PHRF1: variants seen among roughly 807,000 people sequenced by gnomAD.
The protein encoded by PHRF1 is PHD and ring finger domains 1.
A neutral mutation model predicts 128.9 loss-of-function variants in PHRF1; 53 were observed. That is an observed-to-expected ratio of 0.41 (90% CI 0.33 to 0.52). PHRF1 has a LOEUF of 0.52. PHRF1 is among the 20% of genes least tolerant of loss of function. PHRF1 has a pLI of 0.21. For synonymous variants in PHRF1, 1,178 were observed against 980.6 expected, an observed-to-expected ratio of 1.20 and a Z score of -3.76; for missense variants, 2,503 against 2,284.5, an observed-to-expected ratio of 1.10 and a Z score of -1.95.
At chr11:584,358 G>A (rs1854397907) in intron 3 of PHRF1, among the ~76,000 whole-genome samples, 1 of 152,220 alleles carries the variant, frequency 6.6e-6, no homozygotes. Flanking sequence ...GTTGGGGGCT[G>A]GAGTGAAGGT....
intron 4 of PHRF1, among the ~76,000 whole-genome samples, chr11:588,454 A>C (rs961349782): frequency 1.3e-5 from 2 of 151,548 alleles, no homozygotes; most frequent in African/African-American, 4.9e-5. Context: ...ATCTTGGCTC[A>C]CCACAACCTC....
Position 609,080 on chromosome 11 carries a change from G to A in PHRF1, c.3624G>A (p.Gln1208=), listed in dbSNP as rs1856166533. The change falls in exon 14 of 18, where the codon CAG becomes CAA. Residue 1208 remains glutamine, a synonymous_variant. Coordinates refer to ENST00000264555, the MANE Select transcript of PHRF1 (RefSeq NM_001286581.2). Reference sequence around the variant, plus strand: ...AGGCTTCCCCAGCGCCCCTTGCACAGGGGGAGCCAGGGCGGGAAGACCTCC... The same window carrying A: ...AGGCTTCCCCAGCGCCCCTTGCACAAGGGGAGCCAGGGCGGGAAGACCTCC... ...VREASPAPLA[Q]GEPGREDLPT... The A allele has an allele frequency of 6.2e-7, 1 of 1,601,784 alleles. No homozygotes were observed. The highest frequency in any genetic ancestry group is 8.5e-7 in the Non-Finnish European group (1 of 1,174,916).
chr11:592,801 C>G, intron 6 of PHRF1, 127 bp downstream of exon 6: 1 of 1,003,294 alleles, frequency 1.0e-6, no homozygotes, highest in Non-Finnish European at 1.5e-6. Flanking sequence ...GCTCACCACC[C>G]TCAGCAGCGC....
At position 605,190 on chromosome 11, in the gene PHRF1, C is replaced by T; in HGVS notation, c.1224C>T (p.Ile408=). 1 of 1,613,612 alleles carries T rather than the reference C, an allele frequency of 6.2e-7. No individual in the cohort carries two copies. Among genetic ancestry groups the T allele is most frequent in the East Asian group, 2.2e-5 (1 of 44,894 alleles). The change falls in exon 11 of 18, where the codon ATC becomes ATT. Residue 408 remains isoleucine (I), a synonymous_variant. Transcript: ENST00000264555. ...GLRRPVHSSC[I]PSVLKPVEPS... ...GCAGGCCTGTTCACAGCAGCTGCAT[C>T]CCGTCAGTGTTGAAGCCAGTGGAGC...
Position 610,285 on chromosome 11 carries a change from G to A in PHRF1, c.4354G>A (p.Glu1452Lys), listed in dbSNP as rs1856285703. ...CACAGGGGTCAGGCAGGTGTTCTCC[G>A]AGCTGCCCTTTCCCAGTCACGTGCT... ...APTGVRQVFS[E>K]LPFPSHVLPE... Residue 1452 changes from glutamate to lysine, a missense_variant, in exon 15 of 18, where the codon GAG (glutamate) becomes AAG (lysine). Transcript: ENST00000264555. 22 of 1,561,750 alleles carry A rather than the reference G, an allele frequency of 1.4e-5. No homozygotes were observed. The highest frequency in any genetic ancestry group is 5.9e-5 in the South Asian group (5 of 84,846).
Position 581,559 on chromosome 11 carries a change from C to G in PHRF1, c.47C>G (p.Pro16Arg). 1 of 1,613,488 alleles carries G rather than the reference C, an allele frequency of 6.2e-7. No individual in the cohort carries two copies. The highest frequency in any genetic ancestry group is 1.3e-5 in the African/African-American group (1 of 75,048). The change falls in exon 2 of 18, where the codon CCG becomes CGG. Residue 16 changes from proline to arginine, a missense_variant. Pro to Arg is a moderately radical substitution (Grantham distance 103). Transcript: ENST00000264555. ...GAGCTTGTGGCCCGGAGCCCAGGGC[C>G]GGATGGACACCCACAGGTCGGCCCT... ...LDELVARSPG[P>R]DGHPQVGPAD...
intron 1 of PHRF1, among the ~76,000 whole-genome samples, chr11:578,553 G>C (rs1392693397): frequency 6.6e-6 from 1 of 152,204 alleles, no homozygotes; most frequent in Admixed American, 6.5e-5. Context: ...GCCATTGCCT[G>C]TCGCCCCACC....
chr11:585,618 T>C (rs1854494328), intron 3 of PHRF1, among the ~76,000 whole-genome samples: 1 of 108,508 alleles, frequency 9.2e-6, no homozygotes, highest in Non-Finnish European at 2.0e-5. Context: ...CAGCTTGAGG[T>C]AGTAGCCCTT....
At position 607,170 on chromosome 11, in the gene PHRF1, G is replaced by A; in HGVS notation, c.1714G>A (p.Gly572Ser). 1.2e-6 allele frequency: 2 copies of A among 1,612,772 alleles called. No homozygotes were observed. Among genetic ancestry groups the A allele is most frequent in the Non-Finnish European group, 1.7e-6 (2 of 1,179,774 alleles). Residue 572 changes from glycine to serine, a missense_variant, in exon 14 of 18, where the codon GGC becomes AGC. Coordinates refer to ENST00000264555, the MANE Select transcript of PHRF1 (RefSeq NM_001286581.2). ...ACTGCCCTCCGGGAGCCCGGCCCAA[G>A]GCCCGTCAGGAAACAGGCCACAGAG... ...RALPSGSPAQ[G>S]PSGNRPQSTG...
chr11:580,578 G>A (rs1420984931), intron 1 of PHRF1, among the ~76,000 whole-genome samples: 5 of 152,342 alleles, frequency 3.3e-5, no homozygotes, highest in East Asian at 1.9e-4. Flanking sequence ...TTGGCAGGGA[G>A]AGCACCCTAC....
At position 600,512 on chromosome 11, in the gene PHRF1, A is replaced by ATATATATATATATATATATATG. The variant is rs1437772767; in HGVS notation, c.1025-1055_1025-1054insATATATATATATATGTATATAT. 1.4e-3 allele frequency among the ~76,000 whole-genome samples: 206 copies of ATATATATATATATATATATATG among 144,450 alleles called. 1 individual carries two copies. Among genetic ancestry groups the ATATATATATATATATATATATG allele is most frequent in the African/African-American group, 5.2e-3 (199 of 38,008 alleles). The allele number at this position is 144,450 out of a possible 152,430, so 94.8% of individuals were successfully genotyped here. On this transcript the variant is annotated intron_variant, in intron 9 of 17. Coordinates refer to ENST00000264555, the MANE Select transcript of PHRF1 (RefSeq NM_001286581.2). Reference sequence around the variant, plus strand: ...TCCAAAAATATATATATATATATATATATATATGGTTTATTTCTCCGTTTA... The same window carrying ATATATATATATATATATATATG: ...TCCAAAAATATATATATATATATATATATATATATATATATATATATGTATATATGGTTTATTTCTCCGTTTA...
At chr11:606,420 G>T (rs1461280795) in intron 12 of PHRF1, 22 bp from the exon 13 acceptor site, 5 of 1,531,780 alleles carry the variant, frequency 3.3e-6, no homozygotes, top group Non-Finnish European at 4.4e-6. Flanking sequence ...GTGACGGCAG[G>T]GCCTTGGGTC....
chr11:577,193 G>T (rs1853918166), intron 1 of PHRF1, among the ~76,000 whole-genome samples: 1 of 152,198 alleles, frequency 6.6e-6, no homozygotes, highest in Non-Finnish European at 1.5e-5. Context: ...TCAGGTGTAG[G>T]TATTGTTCCC....
In PHRF1 at chr11:610,584, G is replaced by T; in HGVS notation, c.4500G>T (p.Gln1500His). 1.2e-6 allele frequency: 2 copies of T among 1,606,598 alleles called. No individual in the cohort carries two copies. The highest frequency in any genetic ancestry group is 1.1e-5 in the South Asian group (1 of 91,082). ...CACTGGTCAGCCAGCCCACGGTCCA[G>T]TTCATCCTTCAGGGGAGCCTGCCGC... is the stretch of plus-strand genomic sequence containing the variant. Reference protein sequence around the residue: ...PCALVSQPTVQFILQGSLPLV... With the variant: ...PCALVSQPTVHFILQGSLPLV... The change falls in exon 16 of 18, where the codon CAG (glutamine) becomes CAT (histidine). Residue 1500 changes from glutamine (Q) to histidine (H), a missense_variant. By Grantham distance (24) the Gln-to-His change is conservative. Coordinates refer to ENST00000264555, the MANE Select transcript of PHRF1 (RefSeq NM_001286581.2).
intron 1 of PHRF1, among the ~76,000 whole-genome samples, chr11:578,392 GTAAAGTTCAAA>G: frequency 6.6e-6 from 1 of 152,176 alleles, no homozygotes. Context: ...ACCAGCTGTG[GTAAAGTTCAAA>G]GGCCTCAGGA....
In PHRF1 at chr11:597,479, G is replaced by T. The variant is rs1234672824; in HGVS notation, c.803G>T (p.Gly268Val). The T allele has an allele frequency of 6.2e-7, 1 of 1,612,746 alleles. No individual in the cohort carries two copies. The highest frequency in any genetic ancestry group is 1.1e-5 in the South Asian group (1 of 90,772). Residue 268 changes from glycine (G) to valine (V), a missense_variant, in exon 8 of 18, where the codon GGT becomes GTT. Transcript: ENST00000264555. The surrounding 1 kb of genome is among the most constrained non-coding windows in gnomAD (Gnocchi z 6.5). ...ACCAGCAGGCTTCGGCCTCGAGCAG[G>T]TAGGACCCGGGCGATAGCCAGGACA... ...PTTSRLRPRAGRTRAIARTRQ... is the reference protein window; with the variant it reads ...PTTSRLRPRAVRTRAIARTRQ...
rs760111433 is a variant in PHRF1 at position 607,755 on chromosome 11, G to A, written c.2299G>A (p.Gly767Arg). 16 of 1,612,338 alleles carry A rather than the reference G, an allele frequency of 9.9e-6. No homozygotes were observed. The highest frequency in any genetic ancestry group is 1.4e-5 in the Non-Finnish European group (16 of 1,179,712). Residue 767 changes from glycine to arginine, a missense_variant, in exon 14 of 18, where the codon GGG becomes AGG. Coordinates refer to ENST00000264555, the MANE Select transcript of PHRF1 (RefSeq NM_001286581.2). ...GSLAPLGPSR[G>R]KGVGSTFESF... ...TTTGGCCCCACTGGGACCATCAAGA[G>A]GGAAAGGGGTCGGGTCGACCTTTGA...
chr11:608,507 G>A lies in PHRF1; in HGVS notation c.3051G>A (p.Thr1017=), dbSNP rs370880150. The A allele has an allele frequency of 4.1e-5, 60 of 1,448,114 alleles. No homozygotes were observed. The South Asian group carries it at 4.9e-4, about 12-fold the overall frequency. 89.7% of individuals were successfully genotyped at this position (1,448,114 alleles called of 1,614,324 possible). Residue 1017 remains threonine, a synonymous_variant, in exon 14 of 18, where the codon ACG becomes ACA. Coordinates refer to ENST00000264555, the MANE Select transcript of PHRF1 (RefSeq NM_001286581.2). ...RKRVSREHGR[T]RSGTRSESRD... ...GGGTGTCCAGGGAGCACGGACGGACGCGCTCTGGGACGCGCTCTGAATCCA... is the reference window on the plus strand; with the variant it reads ...GGGTGTCCAGGGAGCACGGACGGACACGCTCTGGGACGCGCTCTGAATCCA...
At position 601,558 on chromosome 11, in the gene PHRF1, A is replaced by G. The variant is rs761700798; in HGVS notation, c.1025-16A>G. The G allele has an allele frequency of 6.2e-7, 1 of 1,613,508 alleles. No homozygotes were observed. The highest frequency in any genetic ancestry group is 1.7e-4 in the Middle Eastern group (1 of 6,060). On this transcript the variant is annotated splice_polypyrimidine_tract_variant and intron_variant, in intron 9 of 17. Coordinates refer to ENST00000264555, the MANE Select transcript of PHRF1 (RefSeq NM_001286581.2). ...CCCAGCACAGAGAAGCACAGACTTC[A>G]ACCTCTTTTCCTTAGGAAGACGGAA...
Sources: allele counts gnomAD v4.1 joint callset (sites outside exome capture counted in the v4.1 genomes callset), GRCh38; gene constraint gnomAD v4.1.1; non-coding constraint Gnocchi (gnomAD v3.1); transcripts MANE v1.5; gene names NCBI Gene and HGNC (gene_info 2026-07-23, HGNC 2026-07-21).